Variants in PRKG1 observed in about 807,000 individuals in gnomAD.
PRKG1 encodes the protein protein kinase cGMP-dependent 1.
Under a neutral mutation model 88.1 loss-of-function variants are expected in PRKG1, and 35 were observed. The ratio of observed to expected loss-of-function variants is 0.40; its 90% CI spans 0.30 to 0.53. PRKG1 has a LOEUF of 0.53. Among genes scored for constraint, PRKG1 ranks in the 20% least tolerant of loss-of-function variants. PRKG1 has a pLI of 0.59. For missense variants in PRKG1, 540 were observed against 839.8 expected, an observed-to-expected ratio of 0.64 and a Z score of 4.41; for synonymous variants, 303 against 292.5, an observed-to-expected ratio of 1.04 and a Z score of -0.37.
intron 2 of PRKG1, among the ~76,000 whole-genome samples, chr10:51,223,244 G>A (rs1382805483): frequency 3.9e-5 from 6 of 151,996 alleles, no homozygotes; most frequent in African/African-American, 1.5e-4. Flanking sequence ...TGTGTTTCAA[G>A]CAATCTAGGA....
At chr10:51,150,590 C>T (rs1846045251) in intron 1 of PRKG1, among the ~76,000 whole-genome samples, 1 of 152,052 alleles carries the variant, frequency 6.6e-6, no homozygotes, top group African/African-American at 2.4e-5. Context: ...TGCTATTTGG[C>T]AATATCTGTA....
At chr10:51,095,420 G>A (rs968062708) in intron 1 of PRKG1, among the ~76,000 whole-genome samples, 31 of 152,058 alleles carry the variant, frequency 2.0e-4, no homozygotes, top group Non-Finnish European at 1.9e-4. Context: ...AGGTTCAAGC[G>A]GGGGACTTTA....
chr10:51,951,720 A>G (rs1464532375), intron 5 of PRKG1, among the ~76,000 whole-genome samples: 1 of 152,190 alleles, frequency 6.6e-6, no homozygotes, highest in Non-Finnish European at 1.5e-5. Flanking sequence ...ATAACTGGAA[A>G]TGTCAGTAGG....
intron 2 of PRKG1, among the ~76,000 whole-genome samples, chr10:51,394,221 C>T (rs1837517711): frequency 1.3e-5 from 2 of 152,176 alleles, no homozygotes; most frequent in African/African-American, 4.8e-5. Flanking sequence ...TAAAGACTGT[C>T]ATATAGGGGT....
intron 3 of PRKG1, among the ~76,000 whole-genome samples, chr10:51,694,020 A>C (rs115859453): frequency 4.4e-4 from 67 of 152,330 alleles, no homozygotes; most frequent in African/African-American, 1.5e-3. Flanking sequence ...GATACTTACA[A>C]TATATTAATG....
intron 9 of PRKG1, among the ~76,000 whole-genome samples, chr10:52,243,005 G>T (rs896758947): frequency 1.3e-5 from 2 of 152,104 alleles, no homozygotes; most frequent in East Asian, 1.9e-4. Flanking sequence ...TATTTAAAAT[G>T]AATATTTGCC....
At chr10:51,444,356 C>T (rs546463283) in intron 2 of PRKG1, among the ~76,000 whole-genome samples, 12 of 151,710 alleles carry the variant, frequency 7.9e-5, no homozygotes, top group African/African-American at 1.9e-4. Context: ...ATGATAGCCA[C>T]GGCCTAAGGC....
At chr10:51,670,741 AAAAT>A (rs554289419) in intron 3 of PRKG1, among the ~76,000 whole-genome samples, 3,704 of 94,434 alleles carry the variant, frequency 0.039, 98 homozygotes, top group South Asian at 0.062. Flanking sequence ...GTCTCAAAAA[AAAAT>A]AAATAAATAA....
At chr10:51,221,473 G>A (rs1022881991) in intron 2 of PRKG1, among the ~76,000 whole-genome samples, 6 of 151,976 alleles carry the variant, frequency 3.9e-5, no homozygotes, top group Non-Finnish European at 7.4e-5. Flanking sequence ...TATAAAAATA[G>A]CACTATTTTC....
intron 3 of PRKG1, among the ~76,000 whole-genome samples, chr10:51,742,389 A>G (rs1564629258): frequency 6.6e-6 from 1 of 152,256 alleles, no homozygotes; most frequent in Non-Finnish European, 1.5e-5. Flanking sequence ...TCCAAAACCA[A>G]CTATTTGGTT....
intron 2 of PRKG1, among the ~76,000 whole-genome samples, chr10:51,224,393 C>A (rs1838633696): frequency 6.6e-6 from 1 of 152,190 alleles, no homozygotes; most frequent in Non-Finnish European, 1.5e-5. Flanking sequence ...CCATCCTATT[C>A]TCTTTAATAA....
chr10:51,344,739 A>G (rs1842077184), intron 2 of PRKG1, among the ~76,000 whole-genome samples: 1 of 152,184 alleles, frequency 6.6e-6, no homozygotes, highest in South Asian at 2.1e-4. Flanking sequence ...ATTACTGCCC[A>G]GATTGCCTTT....
At chr10:51,145,348 A>T (rs542936777) in intron 1 of PRKG1, among the ~76,000 whole-genome samples, 4 of 151,920 alleles carry the variant, frequency 2.6e-5, no homozygotes, top group East Asian at 1.9e-4. Flanking sequence ...AATATCTGAC[A>T]TTTTTTTTCT....
chr10:51,852,320 G>GTA (rs1431910505), intron 4 of PRKG1, among the ~76,000 whole-genome samples: 2 of 149,754 alleles, frequency 1.3e-5, no homozygotes, highest in Non-Finnish European at 3.0e-5. Context: ...GTGTGTGTGT[G>GTA]TATATATATA....
intron 7 of PRKG1, among the ~76,000 whole-genome samples, chr10:52,076,592 A>C (rs977340093): frequency 7.2e-5 from 11 of 152,216 alleles, no homozygotes; most frequent in African/African-American, 2.7e-4. Context: ...AGATTTTATT[A>C]AAATGAAGAA....
intron 7 of PRKG1, among the ~76,000 whole-genome samples, chr10:52,075,227 G>A (rs779689733): frequency 1.2e-4 from 18 of 152,158 alleles, no homozygotes; most frequent in Non-Finnish European, 2.5e-4. Context: ...TAAAAGATGT[G>A]TAAGATCTCT....
intron 9 of PRKG1, among the ~76,000 whole-genome samples, chr10:52,181,244 A>G (rs1839017356): frequency 6.6e-6 from 1 of 152,038 alleles, no homozygotes; most frequent in Non-Finnish European, 1.5e-5. Context: ...ACATGGGCAC[A>G]TGGCTTCTTA....
At chr10:51,661,144 T>A (rs1381715486) in intron 3 of PRKG1, among the ~76,000 whole-genome samples, 1 of 152,090 alleles carries the variant, frequency 6.6e-6, no homozygotes, top group East Asian at 1.9e-4. Flanking sequence ...TTCAACTTTG[T>A]ATTTCCATTA....
intron 2 of PRKG1, among the ~76,000 whole-genome samples, chr10:51,357,519 A>G (rs1212338229): frequency 6.6e-6 from 1 of 151,994 alleles, no homozygotes; most frequent in African/African-American, 2.4e-5. Context: ...TCAATGACGG[A>G]CATTCAGTTA....
Sources: allele counts gnomAD v4.1 joint callset (sites outside exome capture counted in the v4.1 genomes callset), GRCh38; gene constraint gnomAD v4.1.1; transcripts MANE v1.5; gene names NCBI Gene and HGNC (gene_info 2026-07-23, HGNC 2026-07-21).